AGPAT3: variants seen among roughly 807,000 people sequenced by gnomAD.
AGPAT3 encodes the protein 1-acylglycerol-3-phosphate O-acyltransferase 3.
AGPAT3 carries 5 observed loss-of-function variants against 47.3 expected under a neutral mutation model. That is an observed-to-expected ratio of 0.11 (90% CI 0.06 to 0.22). AGPAT3 has a LOEUF of 0.22. Ranked by LOEUF, AGPAT3 falls within the 10% of genes least tolerant of loss-of-function variation. The pLI is 1.00. For synonymous variants in AGPAT3, 212 were observed against 208.3 expected (o/e 1.02, Z -0.15); for missense variants, 315 against 493.0 (o/e 0.64, Z 3.42).
chr21:43,984,791 C>CTTT lies in AGPAT3; in HGVS notation c.*2407_*2409dup. On this transcript the variant is annotated 3_prime_UTR_variant, in exon 10 of 10. Coordinates refer to ENST00000291572, the MANE Select transcript of AGPAT3 (RefSeq NM_020132.5). ...TTAAATTCATAAATCCCAGAACAGT[C>CTTT]TTTTTTTTTTCTTTTTCCTTTACAC... 4 of 183,444 alleles carry CTTT rather than the reference C, an allele frequency of 2.2e-5. No homozygotes were observed. The South Asian group carries it at 3.0e-4, about 14-fold the overall frequency. 11.4% of individuals were successfully genotyped at this position (183,444 alleles called of 1,614,324 possible).
At chr21:43,905,562 A>G (rs1460108164) in intron 2 of AGPAT3, among the ~76,000 whole-genome samples, 5 of 152,242 alleles carry the variant, frequency 3.3e-5, no homozygotes, top group Admixed American at 2.6e-4. Flanking sequence ...TAACGATACT[A>G]TAAAGACACA....
chr21:43,872,935 C>T (rs1434508213), intron 1 of AGPAT3, among the ~76,000 whole-genome samples: 1 of 152,262 alleles, frequency 6.6e-6, no homozygotes, highest in Non-Finnish European at 1.5e-5. Flanking sequence ...GGAAGATCCA[C>T]TGTCATGGGT....
chr21:43,868,360 T>A (rs938686785), intron 1 of AGPAT3, among the ~76,000 whole-genome samples: 5 of 152,270 alleles, frequency 3.3e-5, no homozygotes, highest in Admixed American at 2.6e-4. Context: ...CTTCAGTGTG[T>A]GACTGGCAGA....
At chr21:43,956,556 A>G (rs556044513) in intron 2 of AGPAT3, among the ~76,000 whole-genome samples, 2 of 152,188 alleles carry the variant, frequency 1.3e-5, no homozygotes, top group African/African-American at 4.8e-5. Flanking sequence ...CTTTCTGTCT[A>G]GGGTATTAAT....
intron 2 of AGPAT3, among the ~76,000 whole-genome samples, chr21:43,938,511 C>T (rs915691753): frequency 7.2e-5 from 11 of 151,990 alleles, no homozygotes; most frequent in African/African-American, 2.7e-4. Context: ...CCAGGCTGGT[C>T]TCAAACTCCT....
chr21:43,879,926 C>A (rs1342851254), intron 1 of AGPAT3, among the ~76,000 whole-genome samples: 1 of 152,170 alleles, frequency 6.6e-6, no homozygotes, highest in Non-Finnish European at 1.5e-5. Flanking sequence ...GCTCCCGTGT[C>A]CCCGCATCCT....
intron 8 of AGPAT3, among the ~76,000 whole-genome samples, chr21:43,980,382 C>T (rs548941016): frequency 3.3e-5 from 5 of 152,066 alleles, no homozygotes; most frequent in African/African-American, 7.3e-5. Flanking sequence ...GCAGTGGCTG[C>T]GGAGTGTCTG....
intron 2 of AGPAT3, among the ~76,000 whole-genome samples, chr21:43,907,669 A>G (rs928537643): frequency 1.3e-5 from 2 of 152,206 alleles, no homozygotes; most frequent in South Asian, 2.1e-4. Context: ...GTGAGCCGAG[A>G]TCGCGCCACT....
rs147848393 is a variant in AGPAT3 at position 43,929,942 on chromosome 21, G to A, written c.-49+25923G>A. On this transcript the variant is annotated intron_variant, in intron 2 of 9. Coordinates refer to ENST00000291572, the MANE Select transcript of AGPAT3 (RefSeq NM_020132.5). ...GTCTCATTAACCTCATAAATGCAGC[G>A]GACACTGGGCTGCAGGTGACAGACG... Among the ~76,000 whole-genome samples the A allele has an allele frequency of 7.6e-3, 1,155 of 152,324 alleles. 3 individuals carry two copies. Among genetic ancestry groups the A allele is most frequent in the Non-Finnish European group, 0.011 (776 of 68,032 alleles).
In AGPAT3 at chr21:43,908,141, A is replaced by G. The variant is rs187566108; in HGVS notation, c.-49+4122A>G. ...TGTGGGAAAAACGTGTGTGTGTTCC[A>G]AAGCTGGAGTGAGATTTCCAAGGCT... On this transcript the variant is annotated intron_variant, in intron 2 of 9. Coordinates refer to ENST00000291572, the MANE Select transcript of AGPAT3 (RefSeq NM_020132.5). This position sits in a 1 kb window ranked among gnomAD's most constrained non-coding sequence, Gnocchi z 4.9. Among the ~76,000 whole-genome samples, 31 of 152,328 alleles carry G rather than the reference A, an allele frequency of 2.0e-4. No homozygotes were observed. Among genetic ancestry groups the G allele is most frequent in the African/African-American group, 6.7e-4 (28 of 41,578 alleles).
chr21:43,900,677 G>A (rs1190301451), intron 1 of AGPAT3, among the ~76,000 whole-genome samples: 1 of 152,186 alleles, frequency 6.6e-6, no homozygotes. Flanking sequence ...CCAGGTGAGG[G>A]AAAGGGGCGT....
rs373329770 is a variant in AGPAT3 at position 43,959,218 on chromosome 21, G to A, written c.-48-416G>A. Among the ~76,000 whole-genome samples, 90 of 135,190 alleles carry A rather than the reference G, an allele frequency of 6.7e-4. 1 individual carries two copies. The Middle Eastern group carries it at 0.014, about 21-fold the overall frequency. 88.7% of individuals were successfully genotyped at this position (135,190 alleles called of 152,430 possible). On this transcript the variant is annotated intron_variant, in intron 2 of 9. Coordinates refer to ENST00000291572, the MANE Select transcript of AGPAT3 (RefSeq NM_020132.5). ...GTGTGGTGTGTGATGTGTGGCATGTGGGGTTTGTGATGTGGTGTGTGTGTG... is the reference window on the plus strand; with the variant it reads ...GTGTGGTGTGTGATGTGTGGCATGTAGGGTTTGTGATGTGGTGTGTGTGTG...
At chr21:43,956,148 G>A (rs1336166784) in intron 2 of AGPAT3, among the ~76,000 whole-genome samples, 2 of 152,132 alleles carry the variant, frequency 1.3e-5, no homozygotes, top group African/African-American at 2.4e-5. Context: ...CTGCAGGGCG[G>A]CCCCCACCCT....
At chr21:43,961,196 T>C (rs112067539) in intron 3 of AGPAT3, among the ~76,000 whole-genome samples, 2,304 of 151,466 alleles carry the variant, frequency 0.015, 57 homozygotes, top group African/African-American at 0.052. Flanking sequence ...GAAAACTGCG[T>C]GATGCTGATA....
chr21:43,978,085 A>C lies in AGPAT3; in HGVS notation c.807A>C (p.Glu269Asp). The change falls in exon 8 of 10, where the codon GAA becomes GAC. Residue 269 changes from glutamate to aspartate, a missense_variant. By Grantham distance (45) the Glu-to-Asp change is conservative. Transcript: ENST00000291572. ...AAGACATCCCGCTGGATGAAAAGGA[A>C]GCAGCTCAGTGGCTTCATAAACTGT... Reference protein sequence around the residue: ...PLEDIPLDEKEAAQWLHKLYQ... With the variant: ...PLEDIPLDEKDAAQWLHKLYQ... 1.2e-6 allele frequency: 2 copies of C among 1,613,792 alleles called. No homozygotes were observed. Among genetic ancestry groups the C allele is most frequent in the Non-Finnish European group, 1.7e-6 (2 of 1,179,948 alleles).
At chr21:43,900,248 A>G (rs544894334) in intron 1 of AGPAT3, among the ~76,000 whole-genome samples, 1 of 152,304 alleles carries the variant, frequency 6.6e-6, no homozygotes, top group African/African-American at 2.4e-5. Flanking sequence ...CCCATTCTGG[A>G]TGAGTGAAAA....
chr21:43,874,226 A>G (rs1488626343), intron 1 of AGPAT3, among the ~76,000 whole-genome samples: 2 of 152,026 alleles, frequency 1.3e-5, no homozygotes, highest in Non-Finnish European at 2.9e-5. Context: ...GGGTTTCACC[A>G]TGTTGGCCAG....
In AGPAT3 at chr21:43,865,259, C is replaced by G. The variant is rs1260337561; in HGVS notation, c.-198C>G. 6.8e-6 allele frequency: 1 copy of G among 146,896 alleles called. No homozygotes were observed. The highest frequency in any genetic ancestry group is 1.5e-5 in the Non-Finnish European group (1 of 65,776). The allele number at this position is 146,896 out of a possible 1,614,324, so 9.1% of individuals were successfully genotyped here. Reference sequence around the variant, plus strand: ...CCCCGACGCAGGGCCGGGCCGGGCCCAGGGCCGAGGAGCGCGGCGGCCAGA... The same window carrying G: ...CCCCGACGCAGGGCCGGGCCGGGCCGAGGGCCGAGGAGCGCGGCGGCCAGA... On this transcript the variant is annotated 5_prime_UTR_variant, in exon 1 of 10. Transcript: ENST00000291572.
chr21:43,932,811 G>A lies in AGPAT3; in HGVS notation c.-48-26823G>A, dbSNP rs1324353993. On this transcript the variant is annotated intron_variant, in intron 2 of 9. Coordinates refer to ENST00000291572, the MANE Select transcript of AGPAT3 (RefSeq NM_020132.5). This position sits in a 1 kb window ranked among gnomAD's most constrained non-coding sequence, Gnocchi z 5.2. ...GATTACAGACGCCCGCCACCATGCC[G>A]GGCTAATTTTGTATGTTTAGTAGAG... is the stretch of plus-strand genomic sequence containing the variant. Among the ~76,000 whole-genome samples the A allele has an allele frequency of 2.0e-5, 3 of 152,132 alleles. No homozygotes were observed. The highest frequency in any genetic ancestry group is 2.1e-4 in the South Asian group (1 of 4,828).
Sources: allele counts gnomAD v4.1 joint callset (sites outside exome capture counted in the v4.1 genomes callset), GRCh38; gene constraint gnomAD v4.1.1; non-coding constraint Gnocchi (gnomAD v3.1); transcripts MANE v1.5; gene names NCBI Gene and HGNC (gene_info 2026-07-23, HGNC 2026-07-21).